SYT12: variants seen among roughly 807,000 people sequenced by gnomAD.
SYT12 encodes synaptotagmin-12.
Under a neutral mutation model 39.5 loss-of-function variants are expected in SYT12, and 27 were observed. The observed-to-expected ratio is 0.68, with a 90% CI of 0.50 to 0.94. The LOEUF is 0.94. Among genes scored for constraint, SYT12 ranks in the 40% least tolerant of loss-of-function variants. The probability of loss-of-function intolerance (pLI) is 0.00; values close to 1 mark genes in which losing one functional copy is unlikely to be tolerated. For synonymous variants in SYT12, 233 were observed against 239.7 expected (o/e 0.97, Z 0.26); for missense variants, 536 against 572.6 (o/e 0.94, Z 0.65).
intron 6 of SYT12, among the ~76,000 whole-genome samples, chr11:67,045,401 T>A (rs1950597722): frequency 6.6e-6 from 1 of 152,148 alleles, no homozygotes; most frequent in African/African-American, 2.4e-5. Flanking sequence ...CAGGCTCTGC[T>A]GTGCGGGTGC....
chr11:67,009,539 A>T (rs538239652), intron 1 of SYT12, among the ~76,000 whole-genome samples: 1 of 152,134 alleles, frequency 6.6e-6, no homozygotes. Context: ...TGATCCACCC[A>T]CCACAGCCTC....
intron 1 of SYT12, among the ~76,000 whole-genome samples, chr11:67,008,254 A>C (rs1949987014): frequency 6.6e-6 from 1 of 152,004 alleles, no homozygotes; most frequent in South Asian, 2.1e-4. Context: ...ACACCCGGCC[A>C]GGAAGCCCTT....
chr11:67,008,078 C>T (rs571285144), intron 1 of SYT12, among the ~76,000 whole-genome samples: 82 of 150,472 alleles, frequency 5.4e-4, no homozygotes, highest in Non-Finnish European at 1.1e-3. Context: ...CTCAGCCTCC[C>T]GAGTAGCTGG....
At chr11:67,037,105 A>G (rs966326571) in intron 3 of SYT12, among the ~76,000 whole-genome samples, 1 of 152,152 alleles carries the variant, frequency 6.6e-6, no homozygotes, top group African/African-American at 2.4e-5. Flanking sequence ...AAACAAAAAA[A>G]TTAGCTGAGC....
At chr11:67,020,362 G>A (rs192038379), upstream of SYT12, among the ~76,000 whole-genome samples, 28 of 152,314 alleles carry the variant, frequency 1.8e-4, no homozygotes, top group African/African-American at 5.3e-4. Flanking sequence ...AGAGAGGCCA[G>A]CAGGGTCTGT....
In SYT12 at chr11:67,030,265, T is replaced by C. The variant is rs894846460; in HGVS notation, c.34+87T>C. The C allele has an allele frequency of 4.9e-5, 71 of 1,461,160 alleles. 1 individual carries two copies. In the South Asian group the frequency reaches 7.2e-4, roughly 15 times the overall value. The allele number at this position is 1,461,160 out of a possible 1,614,324, so 90.5% of individuals were successfully genotyped here. A position where few individuals can be genotyped will look rare whatever the true frequency, so the allele number is the denominator to read the frequency against. ...GTGGGAGGTGTCTGTGGGACATGAA[T>C]AATTAGTCCTTGCCATTAATGTCTT... is the stretch of plus-strand genomic sequence containing the variant. On this transcript the variant is annotated intron_variant, in intron 2 of 7. Transcript: ENST00000527043.
chr11:67,012,881 A>G (rs1233512221), intron 3 of SYT12, among the ~76,000 whole-genome samples: 1 of 152,132 alleles, frequency 6.6e-6, no homozygotes, highest in African/African-American at 2.4e-5. Flanking sequence ...GTAACCACAC[A>G]CTGAAAGGGG....
At chr11:67,014,726 C>A (rs924722220) in intron 3 of SYT12, among the ~76,000 whole-genome samples, 4 of 152,022 alleles carry the variant, frequency 2.6e-5, no homozygotes, top group African/African-American at 9.7e-5. Flanking sequence ...AGCCTTGAGG[C>A]ATGGCATGGG....
chr11:67,020,191 G>T (rs146287119), upstream of SYT12, among the ~76,000 whole-genome samples: 139 of 152,294 alleles, frequency 9.1e-4, no homozygotes, highest in African/African-American at 3.0e-3. Context: ...ATGCACAGAA[G>T]ACGGAGGAAG....
chr11:67,047,839 C>G (rs1196808950), intron 7 of SYT12, among the ~76,000 whole-genome samples: 22 of 127,810 alleles, frequency 1.7e-4, no homozygotes, highest in Non-Finnish European at 3.2e-4. Context: ...CCAGGCTGGA[C>G]TGCAGTGGCG....
intron 3 of SYT12, among the ~76,000 whole-genome samples, chr11:67,037,050 G>T (rs1301927571): frequency 7.9e-5 from 12 of 152,118 alleles, no homozygotes. Flanking sequence ...TCCAAGCCTG[G>T]GCAACAAGAG....
At chr11:67,048,291 A>T (rs1350835142) in intron 7 of SYT12, among the ~76,000 whole-genome samples, 1 of 149,012 alleles carries the variant, frequency 6.7e-6, no homozygotes, top group Non-Finnish European at 1.5e-5. Flanking sequence ...AAAAAGGATC[A>T]GGGGGAATTG....
intron 3 of SYT12, among the ~76,000 whole-genome samples, chr11:67,039,245 G>A (rs1950450051): frequency 6.6e-6 from 1 of 152,020 alleles, no homozygotes; most frequent in African/African-American, 2.4e-5. Context: ...GGAGGTTGCA[G>A]TGAATGGAGA....
chr11:67,025,359 G>A (rs145503656), intron 1 of SYT12, among the ~76,000 whole-genome samples: 1 of 152,330 alleles, frequency 6.6e-6, no homozygotes, highest in East Asian at 1.9e-4. Context: ...TAAGCTCTGT[G>A]CAGTTTAGGG....
At chr11:67,019,373 C>A (rs554134197), upstream of SYT12, among the ~76,000 whole-genome samples, 2 of 151,556 alleles carry the variant, frequency 1.3e-5, no homozygotes, top group Middle Eastern at 3.4e-3. Flanking sequence ...TCAGGAGATT[C>A]AGGCAGGAGA....
intron 1 of SYT12, chr11:67,026,863 A>G (rs1226078970): frequency 6.6e-6 from 1 of 152,200 alleles, no homozygotes; most frequent in Non-Finnish European, 1.5e-5. Flanking sequence ...TGCTGCCCAC[A>G]CTGCCCAGAC....
Position 67,025,801 on chromosome 11 carries a change from T to A in SYT12, c.-24+2341T>A, listed in dbSNP as rs1026062871. Reference sequence around the variant, plus strand: ...CTCTGAGCCTCCCTCTCCTCCTCCGTGGAGGAGGGGGTAGTAACAGGATTT... The same window carrying A: ...CTCTGAGCCTCCCTCTCCTCCTCCGAGGAGGAGGGGGTAGTAACAGGATTT... On this transcript the variant is annotated intron_variant, in intron 1 of 7. Coordinates refer to ENST00000527043, the MANE Select transcript of SYT12 (RefSeq NM_177963.4). 4.0e-5 allele frequency among the ~76,000 whole-genome samples: 6 copies of A among 151,848 alleles called. No homozygotes were observed. The South Asian group carries it at 8.3e-4, about 21-fold the overall frequency.
At chr11:67,009,492 AT>A (rs1949996349) in intron 1 of SYT12, among the ~76,000 whole-genome samples, 1 of 151,962 alleles carries the variant, frequency 6.6e-6, no homozygotes, top group Non-Finnish European at 1.5e-5. Flanking sequence ...GGGTTTCACC[AT>A]GTTGGCCAGG....
At chr11:67,037,561 T>C (rs1181234754) in intron 3 of SYT12, among the ~76,000 whole-genome samples, 1 of 150,046 alleles carries the variant, frequency 6.7e-6, no homozygotes, top group Non-Finnish European at 1.5e-5. Flanking sequence ...AATAAATAAA[T>C]AAATAAATAA....
Sources: gnomAD v4.1 joint callset for allele counts (sites outside exome capture counted in the v4.1 genomes callset) on GRCh38, gnomAD v4.1.1 for gene constraint, MANE v1.5 for transcripts, NCBI Gene and HGNC (gene_info 2026-07-23, HGNC 2026-07-21) for gene names.